SOS2: variants seen among roughly 807,000 people sequenced by gnomAD.
The protein encoded by SOS2 is son of sevenless homolog 2.
In SOS2, 65 loss-of-function variants were observed where a neutral mutation model predicts 148.2. The ratio of observed to expected loss-of-function variants is 0.44; its 90% CI spans 0.36 to 0.54. The LOEUF is 0.54. SOS2 is among the 20% of genes least tolerant of loss of function. SOS2 has a pLI of 0.00. For missense variants in SOS2, 1,341 were observed against 1,590.2 expected (o/e 0.84, Z 2.67); for synonymous variants, 539 against 537.1 (o/e 1.00, Z -0.05).
chr14:50,137,113 A>G (rs1333332455), intron 18 of SOS2, among the ~76,000 whole-genome samples: 4 of 152,310 alleles, frequency 2.6e-5, no homozygotes, highest in Non-Finnish European at 2.9e-5. Flanking sequence ...GATAGTTATA[A>G]TATGTTCCCA....
chr14:50,221,103 C>G (rs544262423), intron 1 of SOS2, among the ~76,000 whole-genome samples: 1 of 152,260 alleles, frequency 6.6e-6, no homozygotes, highest in South Asian at 2.1e-4. Flanking sequence ...GTATTAAAAG[C>G]CATTTTCCCT....
chr14:50,155,988 T>A (rs917756425), intron 12 of SOS2: 1 of 152,176 alleles, frequency 6.6e-6, no homozygotes, highest in Non-Finnish European at 1.5e-5. Flanking sequence ...GACATATAGC[T>A]GGGAGCACTA....
At chr14:50,186,037 T>G (rs1052997547) in intron 5 of SOS2, among the ~76,000 whole-genome samples, 3 of 152,152 alleles carry the variant, frequency 2.0e-5, no homozygotes, top group African/African-American at 7.2e-5. Flanking sequence ...ATATTAGGCC[T>G]TCCAGAAATG....
intron 1 of SOS2, among the ~76,000 whole-genome samples, chr14:50,227,443 T>C (rs1272133236): frequency 2.0e-5 from 3 of 149,988 alleles, no homozygotes; most frequent in African/African-American, 7.4e-5. Context: ...GACAGAGTCT[T>C]ACTCCATCGC....
At chr14:50,206,249 A>G (rs1886656074) in intron 1 of SOS2, among the ~76,000 whole-genome samples, 1 of 152,038 alleles carries the variant, frequency 6.6e-6, no homozygotes, top group Non-Finnish European at 1.5e-5. Context: ...TGTTTTCTCT[A>G]AAACTACTTT....
At chr14:50,127,895 T>C (rs953109508) in intron 21 of SOS2, among the ~76,000 whole-genome samples, 5 of 152,164 alleles carry the variant, frequency 3.3e-5, no homozygotes, top group Non-Finnish European at 5.9e-5. Context: ...CAGAAGACCG[T>C]GGAGGAAAAT....
chr14:50,118,788 T>C lies in SOS2; in HGVS notation c.3555A>G (p.Val1185=), dbSNP rs1594951532. 6.4e-7 allele frequency: 1 copy of C among 1,574,100 alleles called. No homozygotes were observed. The highest frequency in any genetic ancestry group is 2.3e-5 in the East Asian group (1 of 43,660). ...CAGTAGGAACAGGAACTCTGGGTTT[T>C]ACCTTTGGAGGAGGAGGCTGTCTCG... ...IPPRQPPPPK[V]KPRVPVPTGA... Residue 1185 remains valine (V), a synonymous_variant, in exon 23 of 23, where the codon GTA becomes GTG. Coordinates refer to ENST00000216373, the MANE Select transcript of SOS2 (RefSeq NM_006939.4).
At chr14:50,228,264 G>A (rs772941410) in intron 1 of SOS2, among the ~76,000 whole-genome samples, 11 of 151,828 alleles carry the variant, frequency 7.2e-5, no homozygotes, top group African/African-American at 2.7e-4. Context: ...GGCTGGTCAC[G>A]AACTCCTAAA....
chr14:50,148,021 A>G (rs1470664236), intron 14 of SOS2, among the ~76,000 whole-genome samples: 1 of 152,220 alleles, frequency 6.6e-6, no homozygotes, highest in Non-Finnish European at 1.5e-5. Context: ...TATTCATTAA[A>G]AAAATATTTT....
Position 50,188,483 on chromosome 14 carries a change from A to C in SOS2, c.714+14T>G, listed in dbSNP as rs765387245. On this transcript the variant is annotated intron_variant, in intron 5 of 22. Transcript: ENST00000216373. Reference sequence around the variant, plus strand: ...TTGGGGTACACAGAATTTCAAACCCAAAAAGGTACTTACAGAAGGTTTAAA... The same window carrying C: ...TTGGGGTACACAGAATTTCAAACCCCAAAAGGTACTTACAGAAGGTTTAAA... 1.9e-6 allele frequency: 3 copies of C among 1,566,196 alleles called. No homozygotes were observed. In the East Asian group the frequency reaches 6.7e-5, roughly 35 times the overall value.
intron 13 of SOS2, among the ~76,000 whole-genome samples, chr14:50,151,848 C>G (rs1172874622): frequency 6.6e-6 from 1 of 152,116 alleles, no homozygotes; most frequent in Non-Finnish European, 1.5e-5. Flanking sequence ...CTCAGCCTCC[C>G]GAGTAGCTGG....
intron 1 of SOS2, among the ~76,000 whole-genome samples, chr14:50,213,325 G>C (rs1329151040): frequency 6.6e-6 from 1 of 152,096 alleles, no homozygotes; most frequent in Non-Finnish European, 1.5e-5. Flanking sequence ...GTACTACATA[G>C]AAAAACACAC....
intron 5 of SOS2, among the ~76,000 whole-genome samples, chr14:50,186,349 C>T (rs1885911433): frequency 6.6e-6 from 1 of 152,016 alleles, no homozygotes; most frequent in African/African-American, 2.4e-5. Context: ...ACTGATGGGA[C>T]ACAAAAAGAC....
chr14:50,178,549 C>T (rs1007666683), intron 7 of SOS2, among the ~76,000 whole-genome samples: 8 of 151,568 alleles, frequency 5.3e-5, no homozygotes, highest in Non-Finnish European at 1.0e-4. Flanking sequence ...CTGCAACCCC[C>T]ACCTCCTGGG....
intron 8 of SOS2, among the ~76,000 whole-genome samples, chr14:50,173,476 C>G (rs1254914037): frequency 1.3e-5 from 2 of 151,872 alleles, no homozygotes; most frequent in Non-Finnish European, 2.9e-5. Flanking sequence ...GGCTGGAGTG[C>G]AGTGGCACAA....
intron 19 of SOS2, among the ~76,000 whole-genome samples, chr14:50,131,456 T>C (rs1000937014): frequency 6.6e-6 from 1 of 152,196 alleles, no homozygotes; most frequent in African/African-American, 2.4e-5. Context: ...GGCAAATGTC[T>C]ATTATGAAAT....
chr14:50,214,246 T>C (rs1206595314), intron 1 of SOS2, among the ~76,000 whole-genome samples: 2 of 152,046 alleles, frequency 1.3e-5, no homozygotes, highest in East Asian at 3.8e-4. Context: ...GAAAGACTAC[T>C]CTTTGAAGAA....
At chr14:50,201,228 T>A (rs1396059619) in intron 2 of SOS2, 144 bp from the exon 3 acceptor site, 2 of 809,786 alleles carry the variant, frequency 2.5e-6, no homozygotes, top group African/African-American at 3.5e-5. Context: ...ATAAATAAAT[T>A]TTTTGGCTTA....
intron 1 of SOS2, among the ~76,000 whole-genome samples, chr14:50,210,139 T>C (rs981932098): frequency 2.6e-5 from 4 of 152,320 alleles, no homozygotes; most frequent in South Asian, 4.1e-4. Flanking sequence ...CCAATGGTTG[T>C]CAGGATTTAT....
Sources: allele counts gnomAD v4.1 joint callset (sites outside exome capture counted in the v4.1 genomes callset), GRCh38; gene constraint gnomAD v4.1.1; transcripts MANE v1.5; gene names NCBI Gene and HGNC (gene_info 2026-07-23, HGNC 2026-07-21).